PCDHGA2: variants seen among roughly 807,000 people sequenced by gnomAD.
The protein encoded by PCDHGA2 is protocadherin gamma subfamily A, 2.
PCDHGA2 carries 40 observed loss-of-function variants against 59.2 expected under a neutral mutation model. The observed-to-expected ratio is 0.68, with a 90% CI of 0.52 to 0.88. The LOEUF is 0.88. Among genes scored for constraint, PCDHGA2 ranks in the 40% least tolerant of loss-of-function variants. PCDHGA2 has a pLI of 0.00. For synonymous variants in PCDHGA2, 560 were observed against 526.0 expected, an observed-to-expected ratio of 1.06 and a Z score of -0.89; for missense variants, 1,226 against 1,204.0, an observed-to-expected ratio of 1.02 and a Z score of -0.27.
chr5:141,415,905 C>T (rs1278855649), intron 1 of PCDHGA2: 5 of 801,160 alleles, frequency 6.2e-6, no homozygotes, highest in Non-Finnish European at 8.6e-6. Context: ...GACAGACTTC[C>T]ATACAGAAGT....
intron 1 of PCDHGA2, chr5:141,422,162 A>T: frequency 6.4e-7 from 1 of 1,571,230 alleles, no homozygotes; most frequent in Non-Finnish European, 8.6e-7. Context: ...GATTTTGAAA[A>T]ATATAGATTC....
intron 2 of PCDHGA2, among the ~76,000 whole-genome samples, chr5:141,502,719 C>G (rs1242423173): frequency 1.3e-5 from 2 of 152,190 alleles, no homozygotes; most frequent in Non-Finnish European, 2.9e-5. Flanking sequence ...TCAGTGATTA[C>G]AAAGCGGTGA....
chr5:141,451,813 G>A (rs921877961), intron 1 of PCDHGA2, among the ~76,000 whole-genome samples: 13 of 150,788 alleles, frequency 8.6e-5, no homozygotes, highest in East Asian at 2.0e-4. Context: ...CCCAGGAGGC[G>A]GAGGTTACAG....
intron 1 of PCDHGA2, chr5:141,399,076 G>A (rs767415619): frequency 1.2e-6 from 2 of 1,613,850 alleles, no homozygotes; most frequent in Non-Finnish European, 1.7e-6. Flanking sequence ...GGTTGTAGAA[G>A]GGAGGGATGG....
chr5:141,375,952 G>C (rs1032808913), intron 1 of PCDHGA2: 7 of 1,613,514 alleles, frequency 4.3e-6, no homozygotes, highest in South Asian at 1.1e-5. Flanking sequence ...GCCTGCACAC[G>C]GGCGAGGTGC....
At chr5:141,371,894 G>A in intron 1 of PCDHGA2, 4 of 1,613,426 alleles carry the variant, frequency 2.5e-6, no homozygotes, top group Non-Finnish European at 3.4e-6. Flanking sequence ...AGCCGCGGGA[G>A]CTGTCGTCCT....
rs1029546280 is a variant in PCDHGA2 at position 141,423,551 on chromosome 5, A to G, written c.2425-71256A>G. On this transcript the variant is annotated intron_variant, in intron 1 of 3. Coordinates refer to ENST00000394576, the MANE Select transcript of PCDHGA2 (RefSeq NM_018915.4). ...AGTCACCTGATTTTCCCCCAGCCCA[A>G]CTATGGGGACACGCTCATCAGCCAG... The G allele has an allele frequency of 2.5e-6, 4 of 1,613,498 alleles. No individual in the cohort carries two copies. The African/African-American group carries it at 5.3e-5, about 22-fold the overall frequency.
At chr5:141,364,765 T>C (rs767363057) in intron 1 of PCDHGA2, 4 of 1,613,970 alleles carry the variant, frequency 2.5e-6, no homozygotes, top group Non-Finnish European at 3.4e-6. Flanking sequence ...TTAATGAAAA[T>C]GCGGCTGCAG....
chr5:141,446,251 A>G (rs979768028), intron 1 of PCDHGA2, among the ~76,000 whole-genome samples: 1 of 152,178 alleles, frequency 6.6e-6, no homozygotes, highest in Admixed American at 6.5e-5. Context: ...ATCTTCAGTG[A>G]AATATTATTA....
In PCDHGA2 at chr5:141,392,927, G is replaced by C. The variant is rs758960557; in HGVS notation, c.2424+51532G>C. The C allele has an allele frequency of 5.6e-6, 9 of 1,613,832 alleles. No homozygotes were observed. In the East Asian group the frequency reaches 2.0e-4, roughly 36 times the overall value. On this transcript the variant is annotated intron_variant, in intron 1 of 3. Coordinates refer to ENST00000394576, the MANE Select transcript of PCDHGA2 (RefSeq NM_018915.4). Reference sequence around the variant, plus strand: ...AGATTCGCTACTCTGTGCCAGAAGAGACGGACAAAGGCTCCTTCGTGGGTA... The same window carrying C: ...AGATTCGCTACTCTGTGCCAGAAGACACGGACAAAGGCTCCTTCGTGGGTA...
intron 1 of PCDHGA2, chr5:141,441,448 A>T (rs1415765869): frequency 1.2e-5 from 2 of 161,528 alleles, no homozygotes; most frequent in Non-Finnish European, 2.7e-5. Context: ...CAGCCCAAGC[A>T]TCACCCTACT....
chr5:141,495,010 G>A (rs1327870362), intron 2 of PCDHGA2, 145 bp downstream of exon 2: 6 of 1,516,970 alleles, frequency 4.0e-6, no homozygotes, highest in Non-Finnish European at 5.3e-6. Context: ...GTGTGCGGGG[G>A]GCTGGCACAC....
chr5:141,483,716 G>C (rs772661472), intron 1 of PCDHGA2, among the ~76,000 whole-genome samples: 1 of 151,974 alleles, frequency 6.6e-6, no homozygotes, highest in Non-Finnish European at 1.5e-5. Context: ...CCAGAATATT[G>C]GTTCCCACCA....
chr5:141,503,665 C>A (rs1210514896), intron 2 of PCDHGA2, among the ~76,000 whole-genome samples: 2 of 151,792 alleles, frequency 1.3e-5, no homozygotes, highest in African/African-American at 4.8e-5. Flanking sequence ...AATTACAACT[C>A]TTCCCACTTT....
chr5:141,479,211 A>G (rs2099490342), intron 1 of PCDHGA2: 1 of 152,422 alleles, frequency 6.6e-6, no homozygotes, highest in African/African-American at 2.4e-5. Context: ...AAGTATTTAA[A>G]AAATTAAAAC....
At position 141,339,273 on chromosome 5, in the gene PCDHGA2, C is replaced by A. The variant is rs774171883; in HGVS notation, c.302C>A (p.Pro101His). 1.9e-6 allele frequency: 3 copies of A among 1,614,236 alleles called. No individual in the cohort carries two copies. In the South Asian group the frequency reaches 3.3e-5, roughly 18 times the overall value. The change falls in exon 1 of 4, where the codon CCC becomes CAC. Residue 101 changes from proline (P) to histidine (H), a missense_variant. Coordinates refer to ENST00000394576, the MANE Select transcript of PCDHGA2 (RefSeq NM_018915.4). Reference protein sequence around the residue: ...DREELCAQSAPCLLNFNILLE... With the variant: ...DREELCAQSAHCLLNFNILLE... ...GAGGAGCTCTGCGCTCAGAGCGCAC[C>A]CTGTCTGTTGAATTTTAACATTCTG...
chr5:141,341,128 G>A lies in PCDHGA2; in HGVS notation c.2157G>A (p.Trp719Ter). 6.2e-7 allele frequency: 1 copy of A among 1,614,202 alleles called. No homozygotes were observed. Residue 719 changes from tryptophan to a stop codon, truncating the protein, a stop_gained, in exon 1 of 4, where the codon TGG becomes TGA. Coordinates refer to ENST00000394576, the MANE Select transcript of PCDHGA2 (RefSeq NM_018915.4). LOFTEE classifies it high-confidence loss of function. ...TGCTGGCGCACAGGCTGCGGCGCTG[G>A]CACAAGTCACGCCTGCTGCAGGCTT... ...IVLLAHRLRR[W>*]HKSRLLQASG...
chr5:141,366,300 C>T (rs761287216), intron 1 of PCDHGA2: 8 of 1,613,654 alleles, frequency 5.0e-6, no homozygotes, highest in Non-Finnish European at 6.8e-6. Flanking sequence ...CTGTCAGCCA[C>T]CTTCACGGTC....
At chr5:141,345,636 A>C in intron 1 of PCDHGA2, 1 of 1,614,178 alleles carries the variant, frequency 6.2e-7, no homozygotes, top group Non-Finnish European at 8.5e-7. Flanking sequence ...GGTGACAGCC[A>C]GCGACAGCGG....
Sources: allele counts gnomAD v4.1 joint callset (sites outside exome capture counted in the v4.1 genomes callset), GRCh38; gene constraint gnomAD v4.1.1; transcripts MANE v1.5; gene names NCBI Gene and HGNC (gene_info 2026-07-23, HGNC 2026-07-21).